WNK1: variants seen among roughly 807,000 people sequenced by gnomAD.
WNK1 encodes the protein serine/threonine-protein kinase WNK1.
In WNK1, 38 loss-of-function variants were observed where a neutral mutation model predicts 222.8. The ratio of observed to expected loss-of-function variants is 0.17; its 90% CI spans 0.13 to 0.22. The LOEUF (loss-of-function observed/expected upper bound fraction) is 0.22, where lower values mean the gene tolerates loss of function less well. Ranked by LOEUF, WNK1 falls within the 10% of genes least tolerant of loss-of-function variation. The pLI is 1.00. For missense variants in WNK1, 2,348 were observed against 2,918.4 expected, an observed-to-expected ratio of 0.80 and a Z score of 4.50; for synonymous variants, 1,090 against 1,092.9, an observed-to-expected ratio of 1.00 and a Z score of 0.05.
At chr12:757,700 A>G (rs1408145765) in intron 1 of WNK1, among the ~76,000 whole-genome samples, 1 of 120,828 alleles carries the variant, frequency 8.3e-6, no homozygotes. Flanking sequence ...TTTTCTAGAA[A>G]GGGATCTGGT....
intron 1 of WNK1, among the ~76,000 whole-genome samples, chr12:801,020 A>G (rs1472376746): frequency 1.3e-5 from 2 of 152,010 alleles, no homozygotes; most frequent in Non-Finnish European, 2.9e-5. Flanking sequence ...TTTCTCAGGT[A>G]CCCTCCAACT....
At chr12:803,528 A>G (rs1209318740) in intron 1 of WNK1, among the ~76,000 whole-genome samples, 2 of 152,206 alleles carry the variant, frequency 1.3e-5, no homozygotes, top group Admixed American at 1.3e-4. Context: ...CACGCCTGTA[A>G]TCCCAGCACT....
chr12:870,688 A>G (rs1006159161), intron 8 of WNK1, among the ~76,000 whole-genome samples: 3 of 152,186 alleles, frequency 2.0e-5, no homozygotes, highest in African/African-American at 7.2e-5. Context: ...TAGTAGCAGC[A>G]ATCTCCCTCA....
chr12:887,125 T>G, intron 19 of WNK1, 96 bp from the exon 20 acceptor site: 3 of 1,074,216 alleles, frequency 2.8e-6, no homozygotes, highest in Non-Finnish European at 4.4e-6. Flanking sequence ...TATTTTATTC[T>G]TATGTTTGTG....
rs1346909434 is a variant in WNK1 at position 896,176 on chromosome 12, A to G, written c.5689A>G (p.Ser1897Gly). The G allele has an allele frequency of 1.1e-5, 18 of 1,614,096 alleles. No individual in the cohort carries two copies. Among genetic ancestry groups the G allele is most frequent in the Non-Finnish European group, 8.5e-7 (1 of 1,180,044 alleles). ...SSTSESSVLS[S>G]SSPESTLVKP... ...CACCTCAGAGTCCTCAGTGCTATCA[A>G]GTAGTAGTCCAGAGAGTACCTTGGT... Residue 1897 changes from serine to glycine, a missense_variant, in exon 24 of 28, where the codon AGT (serine) becomes GGT (glycine). Ser to Gly is a moderately conservative substitution (Grantham distance 56). This residue lies in a region of WNK1 where 1,144 missense variants were observed against 1,273.6 expected (regional missense o/e 0.90). Coordinates refer to ENST00000315939, the MANE Select transcript of WNK1 (RefSeq NM_018979.4).
In WNK1 at chr12:753,637, C is replaced by G. The variant is rs758074117; in HGVS notation, c.72C>G (p.Ala24=). 4 of 1,612,766 alleles carry G rather than the reference C, an allele frequency of 2.5e-6. No individual in the cohort carries two copies. Among genetic ancestry groups the G allele is most frequent in the Admixed American group, 3.3e-5 (2 of 60,008 alleles). ...TGTTCCTCTCGCCGCCGGCTCCTGCCCCCAAGAATGGCTCCAGCTCCGATT... is the reference window on the plus strand; with the variant it reads ...TGTTCCTCTCGCCGCCGGCTCCTGCGCCCAAGAATGGCTCCAGCTCCGATT... The part of the protein sequence containing the change: ...GSLFLSPPAP[A]PKNGSSSDSS... The change falls in exon 1 of 28, where the codon GCC becomes GCG. Residue 24 remains alanine, a synonymous_variant. Transcript: ENST00000315939. This position sits in a 1 kb window ranked among gnomAD's most constrained non-coding sequence, Gnocchi z 5.2.
chr12:790,253 G>A (rs1224335752), intron 1 of WNK1, among the ~76,000 whole-genome samples: 1 of 152,074 alleles, frequency 6.6e-6, no homozygotes, highest in Non-Finnish European at 1.5e-5. Flanking sequence ...ATCTTTTCAT[G>A]TTTTTATTTT....
intron 1 of WNK1, among the ~76,000 whole-genome samples, chr12:766,772 C>T (rs190495213): frequency 9.6e-4 from 144 of 149,988 alleles, no homozygotes; most frequent in African/African-American, 2.3e-3. Flanking sequence ...CCACCACACC[C>T]GGCTTATTTT....
In WNK1 at chr12:907,868, T is replaced by C. The variant is rs779375135; in HGVS notation, c.6665T>C (p.Val2222Ala). The C allele has an allele frequency of 3.8e-5, 62 of 1,613,804 alleles. No homozygotes were observed. Among genetic ancestry groups the C allele is most frequent in the Non-Finnish European group, 3.4e-5 (40 of 1,180,038 alleles). Residue 2222 changes from valine to alanine, a missense_variant, in exon 27 of 28, where the codon GTT (valine) becomes GCT (alanine). Coordinates refer to ENST00000315939, the MANE Select transcript of WNK1 (RefSeq NM_018979.4). ...PGQGTSSTNT[V>A]GATVNSQAAQ... ...ATAGGAACCAGCAGCACAAACACTG[T>C]TGGGGCAACAGTGAACAGCCAAGCC...
chr12:822,862 T>C (rs1460178342), intron 2 of WNK1, among the ~76,000 whole-genome samples: 1 of 152,236 alleles, frequency 6.6e-6, no homozygotes, highest in African/African-American at 2.4e-5. Context: ...AGATTTGATT[T>C]GGTTTTATGG....
chr12:759,135 C>G (rs1940642861), intron 1 of WNK1, among the ~76,000 whole-genome samples: 1 of 146,998 alleles, frequency 6.8e-6, no homozygotes, highest in Non-Finnish European at 1.5e-5. Flanking sequence ...TTTGGGTTTT[C>G]TGGTAGTTTT....
In WNK1 at chr12:854,364, TTTG is replaced by T; in HGVS notation, c.1312-2794_1312-2792del. On this transcript the variant is annotated intron_variant, in intron 4 of 27. Coordinates refer to ENST00000315939, the MANE Select transcript of WNK1 (RefSeq NM_018979.4). ...AAGAACTTATCATTATCTTTTTTTT[TTTG>T]TTTTTTTTGAGACAGAGGTTTGCTC... Among the ~76,000 whole-genome samples, 3 of 138,126 alleles carry T rather than the reference TTTG, an allele frequency of 2.2e-5. 1 individual carries two copies. The highest frequency in any genetic ancestry group is 3.2e-5 in the Non-Finnish European group (2 of 63,354). 90.6% of individuals were successfully genotyped at this position (138,126 alleles called of 152,430 possible).
chr12:753,896 G>T lies in WNK1; in HGVS notation c.331G>T (p.Val111Phe). The T allele has an allele frequency of 6.2e-7, 1 of 1,611,382 alleles. No homozygotes were observed. The highest frequency in any genetic ancestry group is 8.5e-7 in the Non-Finnish European group (1 of 1,179,416). Residue 111 changes from valine (V) to phenylalanine (F), a missense_variant, in exon 1 of 28, where the codon GTC becomes TTC. Val to Phe is a conservative substitution (Grantham distance 50). Transcript: ENST00000315939. This position sits in a 1 kb window ranked among gnomAD's most constrained non-coding sequence, Gnocchi z 5.2. ...GCCCCAGCCCAGCATCCCCGCGGCT[G>T]TCCCGCAGAGTGCTCCACCGGAGCC... is the stretch of plus-strand genomic sequence containing the variant. ...SLPQPSIPAA[V>F]PQSAPPEPHR... is the part of the protein sequence containing the mutation.
At chr12:788,627 G>A (rs960819087) in intron 1 of WNK1, among the ~76,000 whole-genome samples, 1 of 152,162 alleles carries the variant, frequency 6.6e-6, no homozygotes, top group African/African-American at 2.4e-5. Context: ...GGTGGCTCAC[G>A]CCTGTAATCC....
chr12:865,171 C>T lies in WNK1; in HGVS notation c.2139+2901C>T, dbSNP rs564717613. 2.4e-4 allele frequency: 357 copies of T among 1,514,664 alleles called. No individual in the cohort carries two copies. In the African/African-American group the frequency reaches 4.9e-3, roughly 21 times the overall value. The allele number at this position is 1,514,664 out of a possible 1,614,324, so 93.8% of individuals were successfully genotyped here. A position where few individuals can be genotyped will look rare whatever the true frequency, so the allele number is the denominator to read the frequency against. ...ATCTTTCTGCTGTTGCCTCTGTGTC[C>T]CGCATCTCTCCCAGTGCTCTTCCAC... On this transcript the variant is annotated intron_variant, in intron 8 of 27. Coordinates refer to ENST00000315939, the MANE Select transcript of WNK1 (RefSeq NM_018979.4).
intron 3 of WNK1, among the ~76,000 whole-genome samples, chr12:828,408 A>T (rs936241915): frequency 1.3e-5 from 2 of 151,986 alleles, no homozygotes; most frequent in South Asian, 4.1e-4. Flanking sequence ...TCTTAGTCTC[A>T]CTCTTCAGAA....
intron 4 of WNK1, among the ~76,000 whole-genome samples, chr12:851,144 G>T (rs889722640): frequency 4.6e-5 from 7 of 152,194 alleles, no homozygotes; most frequent in Non-Finnish European, 7.3e-5. Flanking sequence ...GTGATGGATT[G>T]AACTGAGAAC....
intron 4 of WNK1, among the ~76,000 whole-genome samples, chr12:838,162 G>A (rs1200179111): frequency 6.6e-6 from 1 of 151,856 alleles, no homozygotes; most frequent in Non-Finnish European, 1.5e-5. Flanking sequence ...CATTTGGACT[G>A]TTCCTACCAT....
chr12:852,045 A>G (rs1010648455), intron 4 of WNK1, among the ~76,000 whole-genome samples: 2 of 152,148 alleles, frequency 1.3e-5, no homozygotes, highest in Non-Finnish European at 1.5e-5. Flanking sequence ...ATGTTACCCT[A>G]CGACATTTGA....
Sources: allele counts gnomAD v4.1 joint callset (sites outside exome capture counted in the v4.1 genomes callset), GRCh38; gene constraint gnomAD v4.1.1; regional missense constraint gnomAD v4.1.1; non-coding constraint Gnocchi (gnomAD v3.1); transcripts MANE v1.5; gene names NCBI Gene and HGNC (gene_info 2026-07-23, HGNC 2026-07-21).